The following LAMA2 variants were observed in gnomAD, a reference collection of about 807,000 sequenced individuals.
LAMA2 encodes laminin subunit alpha-2.
Under a neutral mutation model 364.8 loss-of-function variants are expected in LAMA2, and 269 were observed. The observed-to-expected ratio is 0.74, with a 90% confidence interval of 0.67 to 0.82. The LOEUF is 0.82. LAMA2 is among the 40% of genes least tolerant of loss of function. The pLI, the probability that LAMA2 is intolerant of heterozygous loss-of-function variation, is 0.00. For missense variants in LAMA2, 3,807 were observed against 3,873.2 expected (o/e 0.98, Z 0.45); for synonymous variants, 1,379 against 1,370.6 (o/e 1.01, Z -0.14).
At chr6:129,379,087 T>G in intron 34 of LAMA2, among the ~76,000 whole-genome samples, 1 of 152,182 alleles carries the variant, frequency 6.6e-6, no homozygotes, top group East Asian at 1.9e-4. Context: ...GACATTACCC[T>G]TAGCAAACTA....
chr6:129,274,128 TTTAAAACAATTTTACA>T (rs1788130558), intron 17 of LAMA2, among the ~76,000 whole-genome samples: 2 of 322 alleles, frequency 6.2e-3, no homozygotes, highest in Non-Finnish European at 0.018. Flanking sequence ...GTCTTTTACA[TTTAAAACAATTTTACA>T]TTTAAAACAA....
At chr6:128,989,121 G>T (rs973945939) in intron 1 of LAMA2, among the ~76,000 whole-genome samples, 1 of 152,062 alleles carries the variant, frequency 6.6e-6, no homozygotes, top group Admixed American at 6.6e-5. Flanking sequence ...CACAAATATT[G>T]ATACTTTAAT....
chr6:129,172,441 G>A (rs1353036754), intron 9 of LAMA2, among the ~76,000 whole-genome samples: 1 of 152,212 alleles, frequency 6.6e-6, no homozygotes, highest in East Asian at 1.9e-4. Context: ...GCCGTGTGAG[G>A]TGTCAGTGTG....
chr6:128,969,372 T>G (rs1474687423), intron 1 of LAMA2, among the ~76,000 whole-genome samples: 2 of 152,152 alleles, frequency 1.3e-5, no homozygotes, highest in African/African-American at 4.8e-5. Context: ...ATTTTAGCTG[T>G]TAATATTATA....
rs1222521268 is a variant in LAMA2, at chr6:129,033,010, G to A, written c.113-16908G>A. On this transcript the variant is annotated intron_variant, in intron 1 of 64. Coordinates refer to ENST00000421865, the MANE Select transcript of LAMA2 (RefSeq NM_000426.4). ...ATTAAATTTGTGATGTTCCTGAGAC[G>A]TCTAAAAAAATGGAGATTTAACCAG... Among the ~76,000 whole-genome samples the A allele has an allele frequency of 5.3e-5, 8 of 152,050 alleles. No homozygotes were observed. In the South Asian group the frequency reaches 6.2e-4, roughly 12 times the overall value.
intron 1 of LAMA2, among the ~76,000 whole-genome samples, chr6:129,041,776 G>A (rs1391379425): frequency 6.6e-6 from 1 of 152,110 alleles, no homozygotes; most frequent in African/African-American, 2.4e-5. Flanking sequence ...GCTGAGGTGG[G>A]AGCATTGCCT....
intron 17 of LAMA2, among the ~76,000 whole-genome samples, chr6:129,275,682 T>A (rs1788263195): frequency 6.6e-6 from 1 of 150,984 alleles, no homozygotes; most frequent in African/African-American, 2.4e-5. Flanking sequence ...ACTAAATACC[T>A]TTCACGTTAA....
At chr6:128,953,693 G>A (rs139615118) in intron 1 of LAMA2, among the ~76,000 whole-genome samples, 17 of 151,036 alleles carry the variant, frequency 1.1e-4, no homozygotes, top group Non-Finnish European at 2.1e-4. Context: ...AAAGAATGAC[G>A]TTAGCTTATC....
rs147003684 is a variant in LAMA2 at position 128,918,328 on chromosome 6, A to G, written c.112+34971A>G. Among the ~76,000 whole-genome samples, 185 of 152,324 alleles carry G rather than the reference A, an allele frequency of 1.2e-3. 1 individual carries two copies. The highest frequency in any genetic ancestry group is 4.4e-3 in the African/African-American group (182 of 41,578). On this transcript the variant is annotated intron_variant, in intron 1 of 64. Transcript: ENST00000421865. ...GGAAAAACAATTCAGGATCTAAGGT[A>G]AACTTTTTAGGATGTATATATATTT...
chr6:129,133,733 T>C (rs1777626405), intron 4 of LAMA2, among the ~76,000 whole-genome samples: 1 of 152,198 alleles, frequency 6.6e-6, no homozygotes, highest in Non-Finnish European at 1.5e-5. Context: ...TTTCTGAACA[T>C]TAAATCAGTG....
intron 29 of LAMA2, among the ~76,000 whole-genome samples, chr6:129,330,374 C>T (rs1288824054): frequency 6.6e-6 from 1 of 151,692 alleles, no homozygotes; most frequent in African/African-American, 2.4e-5. Flanking sequence ...TCTATGTGCC[C>T]CCTCTCCATC....
chr6:129,308,846 AG>A (rs575639416), intron 22 of LAMA2, among the ~76,000 whole-genome samples: 22 of 152,294 alleles, frequency 1.4e-4, no homozygotes, highest in African/African-American at 5.1e-4. Flanking sequence ...TCCACATGGC[AG>A]GATCAGGAGA....
intron 15 of LAMA2, among the ~76,000 whole-genome samples, chr6:129,266,129 T>C (rs1787494306): frequency 6.6e-6 from 1 of 152,130 alleles, no homozygotes; most frequent in East Asian, 1.9e-4. Context: ...TTTCATGATA[T>C]ATGATGTTGT....
intron 52 of LAMA2, among the ~76,000 whole-genome samples, chr6:129,473,698 T>G (rs900019353): frequency 8.5e-5 from 13 of 152,070 alleles, no homozygotes; most frequent in Non-Finnish European, 1.9e-4. Flanking sequence ...CACTCTGACA[T>G]TGCTTAGTGT....
At chr6:129,455,373 G>C (rs1782905460) in intron 47 of LAMA2, among the ~76,000 whole-genome samples, 1 of 152,112 alleles carries the variant, frequency 6.6e-6, no homozygotes, top group Admixed American at 6.6e-5. Flanking sequence ...GTGGTGTTGA[G>C]GGAATTAAGT....
At chr6:128,948,546 G>A (rs1211404277) in intron 1 of LAMA2, among the ~76,000 whole-genome samples, 1 of 152,110 alleles carries the variant, frequency 6.6e-6, no homozygotes, top group Non-Finnish European at 1.5e-5. Flanking sequence ...ACATTAGTGT[G>A]AAATTAGGAC....
chr6:129,320,505 A>G (rs775465914), intron 27 of LAMA2, 33 bp from the exon 28 acceptor site: 2 of 1,220,404 alleles, frequency 1.6e-6, no homozygotes, highest in East Asian at 2.3e-5. Context: ...ACTGACTGTC[A>G]TAGTAATCTA....
At chr6:129,443,216 A>G in intron 44 of LAMA2, 148 bp downstream of exon 44, 1 of 564,872 alleles carries the variant, frequency 1.8e-6, no homozygotes, top group Non-Finnish European at 3.2e-6. Flanking sequence ...TTAATGGTAG[A>G]TGCGTAAAAG....
chr6:128,956,545 T>C (rs779062366), intron 1 of LAMA2, among the ~76,000 whole-genome samples: 6 of 152,042 alleles, frequency 3.9e-5, no homozygotes, highest in Non-Finnish European at 7.4e-5. Context: ...GATAGTCTTG[T>C]TAGTGAAAGA....
Sources: allele counts gnomAD v4.1 joint callset (sites outside exome capture counted in the v4.1 genomes callset), GRCh38; gene constraint gnomAD v4.1.1; transcripts MANE v1.5; gene names NCBI Gene and HGNC (gene_info 2026-07-23, HGNC 2026-07-21).